The following BBOX1 variants were observed in gnomAD, a reference collection of about 807,000 sequenced individuals.
BBOX1 encodes the protein gamma-butyrobetaine dioxygenase.
A neutral mutation model predicts 41.6 loss-of-function variants in BBOX1; 35 were observed. The ratio of observed to expected loss-of-function variants is 0.84; its 90% CI spans 0.64 to 1.11. The LOEUF is 1.11. Ranked by LOEUF, BBOX1 falls within the 50% of genes most tolerant of loss-of-function variation. The pLI is 0.00. For missense variants in BBOX1, 458 were observed against 460.6 expected (o/e 0.99, Z 0.05); for synonymous variants, 163 against 154.7 (o/e 1.05, Z -0.40).
chr11:27,077,881 C>T (rs1857689647), intron 4 of BBOX1, among the ~76,000 whole-genome samples: 2 of 152,032 alleles, frequency 1.3e-5, no homozygotes, highest in South Asian at 4.1e-4. Flanking sequence ...ACTGACATAA[C>T]ATGGCCTCTC....
chr11:27,069,961 T>C (rs1385680466), intron 4 of BBOX1, among the ~76,000 whole-genome samples: 1 of 152,170 alleles, frequency 6.6e-6, no homozygotes, highest in Admixed American at 6.5e-5. Flanking sequence ...TCATAACTTG[T>C]GTCAATAATA....
chr11:27,121,191 G>C (rs889326611), intron 7 of BBOX1, among the ~76,000 whole-genome samples: 1 of 151,958 alleles, frequency 6.6e-6, no homozygotes, highest in Non-Finnish European at 1.5e-5. Context: ...TAGACCAAAA[G>C]TTCTAAAAGG....
chr11:27,105,645 T>A (rs1215820356), intron 5 of BBOX1, among the ~76,000 whole-genome samples: 1 of 151,964 alleles, frequency 6.6e-6, no homozygotes, highest in African/African-American at 2.4e-5. Context: ...ACGGGGAGAA[T>A]GGAAACAAGT....
At chr11:27,059,234 T>G (rs139490505) in intron 4 of BBOX1, among the ~76,000 whole-genome samples, 1 of 152,224 alleles carries the variant, frequency 6.6e-6, no homozygotes, top group Non-Finnish European at 1.5e-5. Context: ...CATAAGCTAC[T>G]GTAAGACTTG....
intron 4 of BBOX1, among the ~76,000 whole-genome samples, chr11:27,071,307 G>A (rs1420725854): frequency 2.0e-5 from 3 of 151,820 alleles, no homozygotes; most frequent in Non-Finnish European, 4.4e-5. Context: ...GCATGAACCT[G>A]GGAGGCAGAG....
Position 27,127,648 on chromosome 11 carries a change from G to T in BBOX1, c.*195G>T. On this transcript the variant is annotated 3_prime_UTR_variant, in exon 9 of 9. Coordinates refer to ENST00000263182, the MANE Select transcript of BBOX1 (RefSeq NM_003986.3). Reference sequence around the variant, plus strand: ...TTTTTAGATGTTTCACCACTCTTTTGCAAATAAAGCATCCTTTCTGCTCTG... The same window carrying T: ...TTTTTAGATGTTTCACCACTCTTTTTCAAATAAAGCATCCTTTCTGCTCTG... The T allele has an allele frequency of 1.7e-6, 1 of 600,102 alleles. No individual in the cohort carries two copies. 37.2% of individuals were successfully genotyped at this position (600,102 alleles called of 1,614,324 possible).
At chr11:27,119,897 G>T (rs1217888125) in intron 7 of BBOX1, 52 bp downstream of exon 7, 8 of 1,130,810 alleles carry the variant, frequency 7.1e-6, no homozygotes, top group South Asian at 3.3e-5. Flanking sequence ...GACAACAAAA[G>T]ATCCACTAAT....
chr11:27,114,953 A>C (rs1049381229), intron 5 of BBOX1, among the ~76,000 whole-genome samples: 3 of 151,842 alleles, frequency 2.0e-5, no homozygotes, highest in Non-Finnish European at 2.9e-5. Context: ...GTGATTGCCA[A>C]GGTCTTGGAG....
intron 3 of BBOX1, 74 bp from the exon 4 acceptor site, chr11:27,057,099 AATTGGATTCCCTGATTATCTTAAACAGC>A: frequency 1.7e-6 from 1 of 596,774 alleles, no homozygotes; most frequent in Non-Finnish European, 2.8e-6. Context: ...AGCAAAGCAT[AATTGGATTCCCTGATTATCTTAAACAGC>A]ATTCAAAAAC....
chr11:27,117,217 G>A (rs1451212119), intron 6 of BBOX1, among the ~76,000 whole-genome samples: 3 of 151,918 alleles, frequency 2.0e-5, no homozygotes, highest in South Asian at 4.1e-4. Context: ...CAATTCTTAA[G>A]TTAACAAAGG....
chr11:27,067,116 T>C (rs989440905), intron 4 of BBOX1, among the ~76,000 whole-genome samples: 2 of 152,194 alleles, frequency 1.3e-5, no homozygotes, highest in African/African-American at 4.8e-5. Flanking sequence ...ACCATACATA[T>C]CAACTCATTA....
chr11:27,090,333 T>A (rs1858199546), intron 4 of BBOX1, among the ~76,000 whole-genome samples: 1 of 151,940 alleles, frequency 6.6e-6, no homozygotes, highest in African/African-American at 2.4e-5. Context: ...TGACATCGCA[T>A]ATCAGTAGGA....
chr11:27,125,614 T>C, intron 7 of BBOX1, 40 bp from the exon 8 acceptor site: 1 of 1,405,774 alleles, frequency 7.1e-7, no homozygotes. Context: ...AAATAGATAT[T>C]TCATGAATTA....
chr11:27,082,963 C>T (rs1857903433), intron 4 of BBOX1, among the ~76,000 whole-genome samples: 2 of 152,030 alleles, frequency 1.3e-5, no homozygotes, highest in Non-Finnish European at 2.9e-5. Context: ...GGTCATAGGA[C>T]TGAGCATACA....
chr11:27,078,731 ATATC>A (rs1217331315), intron 4 of BBOX1, among the ~76,000 whole-genome samples: 4 of 152,326 alleles, frequency 2.6e-5, no homozygotes, highest in Middle Eastern at 6.8e-3. Flanking sequence ...AGAGTGCACT[ATATC>A]AAGAAAGTGC....
intron 5 of BBOX1, among the ~76,000 whole-genome samples, chr11:27,102,875 A>T (rs73432195): frequency 0.07 from 10,696 of 152,112 alleles, 1,254 homozygotes; most frequent in African/African-American, 0.24. Context: ...TTTTACTGGC[A>T]ATATGATTTT....
intron 5 of BBOX1, among the ~76,000 whole-genome samples, chr11:27,094,023 T>A (rs895480518): frequency 1.3e-5 from 2 of 151,970 alleles, no homozygotes; most frequent in Non-Finnish European, 2.9e-5. Flanking sequence ...AACTTTTACC[T>A]CCCAAGAGTT....
rs1373631117 is a variant in BBOX1 at position 27,093,029 on chromosome 11, T to A, written c.335-139T>A. On this transcript the variant is annotated intron_variant, in intron 4 of 8. Coordinates refer to ENST00000263182, the MANE Select transcript of BBOX1 (RefSeq NM_003986.3). ...GAAGAAAGGCCTAGTGACTTGGGCA[T>A]TTCTAATATGAATAACATTTAATAA... 8.1e-6 allele frequency: 7 copies of A among 864,678 alleles called. No individual in the cohort carries two copies. The Admixed American group carries it at 1.7e-4, about 21-fold the overall frequency. The allele number at this position is 864,678 out of a possible 1,614,324, so 53.6% of individuals were successfully genotyped here.
At chr11:27,057,351 C>G in intron 4 of BBOX1, 36 bp downstream of exon 4, 2 of 1,487,212 alleles carry the variant, frequency 1.3e-6, no homozygotes, top group Non-Finnish European at 1.9e-6. Context: ...CTTTTTAAAC[C>G]CTTACAGTAA....
Sources: allele counts gnomAD v4.1 joint callset (sites outside exome capture counted in the v4.1 genomes callset), GRCh38; gene constraint gnomAD v4.1.1; transcripts MANE v1.5; gene names NCBI Gene and HGNC (gene_info 2026-07-23, HGNC 2026-07-21).